The following FLNB variants were observed in gnomAD, a reference collection of about 807,000 sequenced individuals.
FLNB encodes filamin B.
A neutral mutation model predicts 250.6 loss-of-function variants in FLNB; 111 were observed. That is an observed-to-expected ratio of 0.44 (90% confidence interval 0.38 to 0.52). The LOEUF (loss-of-function observed/expected upper bound fraction) is 0.52. Ranked by LOEUF, FLNB falls within the 20% of genes least tolerant of loss-of-function variation. FLNB has a pLI of 0.00. For missense variants in FLNB, 2,869 were observed against 3,447.8 expected (o/e 0.83, Z 4.20); for synonymous variants, 1,302 against 1,372.1 (o/e 0.95, Z 1.13).
chr3:58,085,184 G>A (rs1043736918), intron 4 of FLNB, among the ~76,000 whole-genome samples: 2 of 152,184 alleles, frequency 1.3e-5, no homozygotes, highest in African/African-American at 2.4e-5. Flanking sequence ...AATTCTTTTA[G>A]GGATATACCC....
Position 58,168,591 on chromosome 3 carries a change from C to T in FLNB, c.7350C>T (p.Tyr2450=). 2 of 1,614,194 alleles carry T rather than the reference C, an allele frequency of 1.2e-6. No individual in the cohort carries two copies. Among genetic ancestry groups the T allele is most frequent in the African/African-American group, 1.3e-5 (1 of 75,046 alleles). Residue 2450 remains tyrosine (Y), a synonymous_variant, in exon 44 of 46, where the codon TAC becomes TAT. Coordinates refer to ENST00000295956, the MANE Select transcript of FLNB (RefSeq NM_001457.4). ...ACACCCCCATGGCTCCTGGTAACTA[C>T]CTGATCAGCGTCAAATACGGTGGGC... ...VMYTPMAPGN[Y]LISVKYGGPN... is the part of the protein sequence containing the mutation.
At chr3:58,042,345 GTT>G (rs541022128) in intron 1 of FLNB, among the ~76,000 whole-genome samples, 60 of 130,450 alleles carry the variant, frequency 4.6e-4, no homozygotes, top group Non-Finnish European at 5.8e-4. Context: ...GTCTCTGTAG[GTT>G]TTTTTTTTTT....
intron 41 of FLNB, among the ~76,000 whole-genome samples, chr3:58,157,658 C>T (rs2097355301): frequency 6.6e-6 from 1 of 152,200 alleles, no homozygotes; most frequent in South Asian, 2.1e-4. Flanking sequence ...ATAAACCCAG[C>T]ACTTATTGAG....
In FLNB at chr3:58,031,309, C is replaced by G. The variant is rs1245626697; in HGVS notation, c.292+22453C>G. ...CCAGGCTGGAGTGCAGTGTTGCGAT[C>G]TCGGCTCACTGCAAGCTCCGCCTCC... On this transcript the variant is annotated intron_variant, in intron 1 of 45. Transcript: ENST00000295956. Among the ~76,000 whole-genome samples, 4 of 152,006 alleles carry G rather than the reference C, an allele frequency of 2.6e-5. No homozygotes were observed. The East Asian group carries it at 7.7e-4, about 29-fold the overall frequency.
intron 19 of FLNB, among the ~76,000 whole-genome samples, chr3:58,119,716 A>T (rs1038445698): frequency 6.6e-6 from 1 of 152,230 alleles, no homozygotes; most frequent in South Asian, 2.1e-4. Flanking sequence ...AAAACATTAC[A>T]GTTAAGGGAT....
Position 58,040,590 on chromosome 3 carries a change from G to C in FLNB, c.292+31734G>C, listed in dbSNP as rs538760414. Among the ~76,000 whole-genome samples the C allele has an allele frequency of 3.9e-5, 6 of 152,310 alleles. No individual in the cohort carries two copies. The South Asian group carries it at 1.2e-3, about 32-fold the overall frequency. On this transcript the variant is annotated intron_variant, in intron 1 of 45. Transcript: ENST00000295956. ...GCTCACTGCAACCTCCGTCTCACTG[G>C]TTCAAGCGATTCTCCTGCCTAAGCC...
intron 1 of FLNB, among the ~76,000 whole-genome samples, chr3:58,052,132 C>G (rs1158767582): frequency 1.3e-5 from 2 of 152,148 alleles, no homozygotes; most frequent in Non-Finnish European, 2.9e-5. Flanking sequence ...AGGTGATCCG[C>G]CCACCTCGGC....
At chr3:58,124,593 T>A in intron 22 of FLNB, 88 bp downstream of exon 22, 1 of 1,415,026 alleles carries the variant, frequency 7.1e-7, no homozygotes, top group Non-Finnish European at 9.9e-7. Context: ...GCCTGCCCCA[T>A]GTGCTAGGCC....
intron 28 of FLNB, among the ~76,000 whole-genome samples, chr3:58,137,886 G>A (rs973621424): frequency 3.3e-5 from 5 of 152,188 alleles, no homozygotes; most frequent in African/African-American, 1.2e-4. Context: ...TTCCACTGCA[G>A]TTGGAAATGT....
chr3:58,052,308 G>A (rs542373563), intron 1 of FLNB, among the ~76,000 whole-genome samples: 2 of 152,286 alleles, frequency 1.3e-5, no homozygotes, highest in East Asian at 3.9e-4. Context: ...ACCACCATAT[G>A]AGGGGACAAG....
At chr3:58,107,844 G>A (rs570463067) in intron 12 of FLNB, among the ~76,000 whole-genome samples, 1 of 152,346 alleles carries the variant, frequency 6.6e-6, no homozygotes, top group African/African-American at 2.4e-5. Context: ...TTGGCCAAAT[G>A]ATATTCCTTT....
chr3:58,082,314 G>A (rs559162771), intron 4 of FLNB, among the ~76,000 whole-genome samples: 44 of 152,330 alleles, frequency 2.9e-4, no homozygotes, highest in African/African-American at 1.1e-3. Context: ...GGCATTTGGT[G>A]TTGTGATTGG....
chr3:58,108,122 A>C lies in FLNB; in HGVS notation c.1942-336A>C, dbSNP rs62259291. Among the ~76,000 whole-genome samples the C allele has an allele frequency of 0.047, 7,136 of 152,140 alleles. 262 individuals carry two copies. The highest frequency in any genetic ancestry group is 0.07 in the Non-Finnish European group (4,770 of 68,020). ...AATGATAGCCGATGAACAAAAACAAAAACAAAAAAAAAATTGCAAAAAATT... is the reference window on the plus strand; with the variant it reads ...AATGATAGCCGATGAACAAAAACAACAACAAAAAAAAAATTGCAAAAAATT... On this transcript the variant is annotated intron_variant, in intron 12 of 45. Transcript: ENST00000295956.
At position 58,109,561 on chromosome 3, in the gene FLNB, C is replaced by T; in HGVS notation, c.2200-15C>T. 1 of 1,614,142 alleles carries T rather than the reference C, an allele frequency of 6.2e-7. No individual in the cohort carries two copies. The highest frequency in any genetic ancestry group is 1.3e-5 in the African/African-American group (1 of 75,056). On this transcript the variant is annotated splice_polypyrimidine_tract_variant and intron_variant, in intron 14 of 45. Coordinates refer to ENST00000295956, the MANE Select transcript of FLNB (RefSeq NM_001457.4). ...GTGGAGGAGAACTTGATGACCTTCT[C>T]CATGTCTTCTCTAGGTCAACATCGG... is the stretch of plus-strand genomic sequence containing the variant.
At chr3:58,166,832 T>A (rs114857924) in intron 43 of FLNB, among the ~76,000 whole-genome samples, 3,554 of 124,178 alleles carry the variant, frequency 0.029, 156 homozygotes, top group African/African-American at 0.1. Context: ...AAAAAAAAAA[T>A]ATTAGTAATA....
intron 41 of FLNB, among the ~76,000 whole-genome samples, chr3:58,159,038 C>T (rs2097357386): frequency 6.6e-6 from 1 of 151,794 alleles, no homozygotes; most frequent in Non-Finnish European, 1.5e-5. Context: ...GGTAGGAAAT[C>T]CAGATCCAGC....
intron 4 of FLNB, among the ~76,000 whole-genome samples, chr3:58,092,018 A>T (rs939972606): frequency 6.6e-6 from 1 of 152,244 alleles, no homozygotes; most frequent in Non-Finnish European, 1.5e-5. Context: ...ATGTAGAAAG[A>T]ACTCTCAAGT....
chr3:58,121,616 G>C, intron 20 of FLNB, 113 bp downstream of exon 20: 1 of 1,392,658 alleles, frequency 7.2e-7, no homozygotes, highest in African/African-American at 1.4e-5. Flanking sequence ...TGTGATGAAA[G>C]TTAGCACAAT....
Position 58,126,587 on chromosome 3 carries a change from T to C in FLNB, c.4062-15T>C, listed in dbSNP as rs769283370. 6.2e-7 allele frequency: 1 copy of C among 1,613,350 alleles called. No homozygotes were observed. The highest frequency in any genetic ancestry group is 2.2e-5 in the East Asian group (1 of 44,882). ...TAAATGGTGCACATTTCACTTTCTT[T>C]TCCACTCTTTCCAGAGGCGCAGGAA... is the stretch of plus-strand genomic sequence containing the variant. On this transcript the variant is annotated splice_polypyrimidine_tract_variant and intron_variant, in intron 23 of 45. Coordinates refer to ENST00000295956, the MANE Select transcript of FLNB (RefSeq NM_001457.4).
Sources: allele counts gnomAD v4.1 joint callset (sites outside exome capture counted in the v4.1 genomes callset), GRCh38; gene constraint gnomAD v4.1.1; transcripts MANE v1.5; gene names NCBI Gene and HGNC (gene_info 2026-07-23, HGNC 2026-07-21).